TOR1AIP2: variants seen among roughly 807,000 people sequenced by gnomAD.
TOR1AIP2 encodes torsin-1A-interacting protein 2.
Under a neutral mutation model 32.6 loss-of-function variants are expected in TOR1AIP2, and 20 were observed. The observed-to-expected ratio is 0.61, with a 90% CI of 0.43 to 0.89. The LOEUF (loss-of-function observed/expected upper bound fraction) is 0.89. Among genes scored for constraint, TOR1AIP2 ranks in the 40% least tolerant of loss-of-function variants. The pLI is 0.00. For synonymous variants in TOR1AIP2, 214 were observed against 210.8 expected (o/e 1.02, Z -0.13); for missense variants, 456 against 553.8 (o/e 0.82, Z 1.77).
In TOR1AIP2 at chr1:179,850,889, C is replaced by A; in HGVS notation, c.509G>T (p.Gly170Val). The change falls in exon 5 of 7, where the codon GGG (glycine) becomes GTG (valine). Residue 170 changes from glycine to valine, a missense_variant. Transcript: ENST00000609928. ...EAQSPGHSSA[G>V]QEGEDTLRRR... ...CCTCAGTGTATCCTCACCCTCTTGC[C>A]CTGCACTGGAATGACCAGGACTCTG... is the stretch of plus-strand genomic sequence containing the variant. 2 of 1,614,146 alleles carry A rather than the reference C, an allele frequency of 1.2e-6. No homozygotes were observed. Among genetic ancestry groups the A allele is most frequent in the Non-Finnish European group, 1.7e-6 (2 of 1,179,986 alleles).
intron 3 of TOR1AIP2, chr1:179,859,300 T>C (rs1696423410): frequency 1.2e-6 from 1 of 825,760 alleles, no homozygotes; most frequent in Admixed American, 6.2e-5. Context: ...ACTATTAATA[T>C]TCCTACTATT....
chr1:179,877,487 T>C (rs1443015616), intron 1 of TOR1AIP2, 114 bp from the exon 2 acceptor site: 1 of 150,724 alleles, frequency 6.6e-6, no homozygotes, highest in Non-Finnish European at 1.5e-5. Context: ...TATGAGGCTG[T>C]GGTGAGCTAT....
At chr1:179,853,218 C>T (rs866259910) in intron 3 of TOR1AIP2, among the ~76,000 whole-genome samples, 1 of 152,206 alleles carries the variant, frequency 6.6e-6, no homozygotes, top group Admixed American at 6.5e-5. Context: ...GTCTGCCTAT[C>T]AGGAGCTTTC....
At position 179,870,804 on chromosome 1, in the gene TOR1AIP2, C is replaced by A. The variant is rs1404657217; in HGVS notation, c.-565-4950G>T. ...TAAAACTGGCTTCCTTTCTCAACTT[C>A]ATTAGCTTAAGTCCTAAGCAGCTGA... On this transcript the variant is annotated intron_variant, in intron 2 of 6. Coordinates refer to ENST00000609928, the MANE Select transcript of TOR1AIP2 (RefSeq NM_001199260.2). Among the ~76,000 whole-genome samples the A allele has an allele frequency of 2.0e-5, 3 of 152,318 alleles. No homozygotes were observed. The East Asian group carries it at 5.8e-4, about 29-fold the overall frequency.
rs1647311815 is a variant in TOR1AIP2, at chr1:179,876,467, G to A, written c.-566+772C>T. 2.0e-5 allele frequency among the ~76,000 whole-genome samples: 3 copies of A among 152,290 alleles called. No individual in the cohort carries two copies. In the South Asian group the frequency reaches 6.2e-4, roughly 32 times the overall value. On this transcript the variant is annotated intron_variant, in intron 2 of 6. Coordinates refer to ENST00000609928, the MANE Select transcript of TOR1AIP2 (RefSeq NM_001199260.2). Reference sequence around the variant, plus strand: ...CAGGTAATCAAGTTGTGGACTGCACGTTCAGCATAATAAACATTACTGAAG... The same window carrying A: ...CAGGTAATCAAGTTGTGGACTGCACATTCAGCATAATAAACATTACTGAAG...
intron 3 of TOR1AIP2, among the ~76,000 whole-genome samples, chr1:179,855,694 ATAG>A (rs1696271917): frequency 1.3e-5 from 2 of 152,238 alleles, no homozygotes; most frequent in South Asian, 4.1e-4. Context: ...TAGACGTATA[ATAG>A]AGAATCTCAT....
intron 3 of TOR1AIP2, chr1:179,862,304 T>C: frequency 1.0e-6 from 1 of 982,530 alleles, no homozygotes; most frequent in Non-Finnish European, 1.2e-6. Context: ...TTAAAAAATT[T>C]AGGGGCAATA....
At chr1:179,855,224 A>C (rs1696254694) in intron 3 of TOR1AIP2, among the ~76,000 whole-genome samples, 1 of 152,232 alleles carries the variant, frequency 6.6e-6, no homozygotes, top group African/African-American at 2.4e-5. Context: ...AGAAAGGAAA[A>C]TTTGACAAAT....
chr1:179,866,768 C>T (rs926520561), intron 2 of TOR1AIP2, among the ~76,000 whole-genome samples: 5 of 152,144 alleles, frequency 3.3e-5, no homozygotes, highest in African/African-American at 1.2e-4. Flanking sequence ...TAAGGCACAG[C>T]CCTGAGCAAT....
At chr1:179,872,633 A>G (rs1476180058) in intron 2 of TOR1AIP2, among the ~76,000 whole-genome samples, 1 of 152,238 alleles carries the variant, frequency 6.6e-6, no homozygotes, top group Non-Finnish European at 1.5e-5. Context: ...TGCCTGGCGC[A>G]GATCAAATTC....
chr1:179,856,400 G>A (rs1696302524), intron 3 of TOR1AIP2, among the ~76,000 whole-genome samples: 1 of 152,192 alleles, frequency 6.6e-6, no homozygotes, highest in Non-Finnish European at 1.5e-5. Context: ...TCTTACAAAT[G>A]CTTGACATAC....
chr1:179,861,292 T>A, intron 3 of TOR1AIP2: 4 of 984,774 alleles, frequency 4.1e-6, no homozygotes, highest in Non-Finnish European at 4.8e-6. Flanking sequence ...ATTATTCATA[T>A]CAACTATGGA....
At chr1:179,862,435 A>T (rs928266975) in intron 3 of TOR1AIP2, 2 of 985,280 alleles carry the variant, frequency 2.0e-6, no homozygotes, top group East Asian at 2.3e-4. Context: ...ACTAGTCTTC[A>T]GTCAATTTAG....
intron 3 of TOR1AIP2, chr1:179,860,973 T>C (rs906919417): frequency 3.0e-6 from 3 of 985,422 alleles, no homozygotes; most frequent in Non-Finnish European, 2.4e-6. Context: ...AACTCAGAGA[T>C]GAATCTTACC....
Position 179,850,081 on chromosome 1 carries a change from TACAAAC to T in TOR1AIP2, c.553+758_553+763del, listed in dbSNP as rs1309253800. On this transcript the variant is annotated intron_variant, in intron 5 of 6. Transcript: ENST00000609928. ...TGAGCTCTTCAGAGTGCTTATAAAA[TACAAAC>T]CCACACAGACAATCACAGAAGGTGA... Among the ~76,000 whole-genome samples, 226 of 152,318 alleles carry T rather than the reference TACAAAC, an allele frequency of 1.5e-3. 1 individual carries two copies. Among genetic ancestry groups the T allele is most frequent in the African/African-American group, 5.3e-3 (222 of 41,558 alleles).
chr1:179,851,482 C>G, intron 4 of TOR1AIP2, 119 bp from the exon 5 acceptor site: 1 of 754,528 alleles, frequency 1.3e-6, no homozygotes, highest in Admixed American at 3.8e-5. Flanking sequence ...CAAGACACTT[C>G]CTAAACATTA....
At position 179,851,091 on chromosome 1, in the gene TOR1AIP2, G is replaced by A. The variant is rs1393220544; in HGVS notation, c.307C>T (p.Leu103Phe). ...TCTTTACCCAGATTTTCTGAAGGGA[G>A]GTGATGCCCTTTTCCGCCATCCAGA... ...SFLDGGKGHHLPSENLGKEPL... is the reference protein window; with the variant it reads ...SFLDGGKGHHFPSENLGKEPL... Residue 103 changes from leucine (L) to phenylalanine (F), a missense_variant, in exon 5 of 7, where the codon CTC (leucine) becomes TTC (phenylalanine). By Grantham distance (22) the Leu-to-Phe change is conservative. Coordinates refer to ENST00000609928, the MANE Select transcript of TOR1AIP2 (RefSeq NM_001199260.2). The A allele has an allele frequency of 6.2e-6, 10 of 1,614,064 alleles. No homozygotes were observed. Among genetic ancestry groups the A allele is most frequent in the Admixed American group, 5.0e-5 (3 of 59,990 alleles).
chr1:179,859,187 A>T, intron 3 of TOR1AIP2: 1 of 984,024 alleles, frequency 1.0e-6, no homozygotes, highest in Non-Finnish European at 1.2e-6. Context: ...CATATACAAC[A>T]ACTATAAGAA....
At chr1:179,849,263 TA>T (rs774596792) in intron 5 of TOR1AIP2, among the ~76,000 whole-genome samples, 82 of 152,096 alleles carry the variant, frequency 5.4e-4, no homozygotes, top group Non-Finnish European at 1.0e-3. Context: ...TTTTTTTTTT[TA>T]AAGACAGGGT....
Sources: allele counts gnomAD v4.1 joint callset (sites outside exome capture counted in the v4.1 genomes callset), GRCh38; gene constraint gnomAD v4.1.1; transcripts MANE v1.5; gene names NCBI Gene and HGNC (gene_info 2026-07-23, HGNC 2026-07-21).